GALK1: variants seen among roughly 807,000 people sequenced by gnomAD.
The protein encoded by GALK1 is galactokinase.
Under a neutral mutation model 38.6 loss-of-function variants are expected in GALK1, and 30 were observed. The observed-to-expected ratio is 0.78, with a 90% CI of 0.58 to 1.05. The LOEUF (loss-of-function observed/expected upper bound fraction) is 1.05, where lower values mean the gene tolerates loss of function less well. GALK1 is among the 50% of genes least tolerant of loss of function. The pLI is 0.00. For synonymous variants in GALK1, 240 were observed against 233.6 expected, an observed-to-expected ratio of 1.03 and a Z score of -0.25; for missense variants, 512 against 540.5, an observed-to-expected ratio of 0.95 and a Z score of 0.52.
chr17:75,756,549 G>C, downstream of GALK1: 2 of 1,613,202 alleles, frequency 1.2e-6, no homozygotes, highest in Admixed American at 1.7e-5. Context: ...GGCTGGGGCC[G>C]AGAGCGTGAG....
At chr17:75,753,737 G>A, downstream of GALK1, 1 of 1,377,186 alleles carries the variant, frequency 7.3e-7, no homozygotes, top group Admixed American at 2.8e-5. Context: ...CCCCGGCGGT[G>A]CCAACGCGGC....
intron 1 of GALK1, 165 bp downstream of exon 1, chr17:75,764,807 G>T: frequency 1.3e-6 from 1 of 754,436 alleles, no homozygotes; most frequent in Non-Finnish European, 2.2e-6. Flanking sequence ...CCAACGTGGG[G>T]AACAGCCTGT....
intron 1 of GALK1, chr17:75,764,724 G>A (rs1403149189): frequency 1.6e-6 from 1 of 620,370 alleles, no homozygotes; most frequent in South Asian, 1.8e-5. Flanking sequence ...AGGAGCCCCA[G>A]CCCCCAGAGG....
Position 75,763,139 on chromosome 17 carries a change from T to A in GALK1, c.486A>T (p.Thr162=). The change falls in exon 4 of 8, where the codon ACA becomes ACT. Residue 162 remains threonine (T), a synonymous_variant. Transcript: ENST00000588479. ...GACACACCTGGGCGCGGGCAGCTAT[T>A]GTGCCCGAGTCTGCAGTACAGGGTG... ...FLQQLCPDSG[T]IAARAQVCQQ... 1.2e-6 allele frequency: 2 copies of A among 1,611,734 alleles called. No homozygotes were observed. The highest frequency in any genetic ancestry group is 8.5e-7 in the Non-Finnish European group (1 of 1,179,964).
At chr17:75,759,154 G>A (rs904238827) in intron 5 of GALK1, among the ~76,000 whole-genome samples, 2 of 152,174 alleles carry the variant, frequency 1.3e-5, no homozygotes, top group Non-Finnish European at 1.5e-5. Context: ...ATGGGTGGGC[G>A]CGGTGGCTCA....
At chr17:75,754,915 C>A, downstream of GALK1, 2 of 1,571,194 alleles carry the variant, frequency 1.3e-6, no homozygotes, top group South Asian at 1.1e-5. Flanking sequence ...CGCCCATTCT[C>A]CAACATACAC....
intron 5 of GALK1, 148 bp from the exon 6 acceptor site, chr17:75,758,747 C>T (rs1407979317): frequency 8.3e-6 from 8 of 968,206 alleles, no homozygotes; most frequent in African/African-American, 4.9e-5. Flanking sequence ...CTCTCTCAGA[C>T]GTGGGTCTGA....
At chr17:75,757,049 C>T (rs2061528606), downstream of GALK1, 2 of 1,612,742 alleles carry the variant, frequency 1.2e-6, no homozygotes, top group Admixed American at 3.3e-5. Flanking sequence ...AGGCCAGGAC[C>T]ACTGAGGGCT....
chr17:75,763,730 G>A (rs2061598025), intron 2 of GALK1, 167 bp downstream of exon 2: 1 of 810,920 alleles, frequency 1.2e-6, no homozygotes, highest in Non-Finnish European at 2.0e-6. Flanking sequence ...GGGAAACCCA[G>A]GGCAAGTTCC....
downstream of GALK1, chr17:75,757,072 G>A (rs767247375): frequency 3.3e-5 from 53 of 1,612,718 alleles, no homozygotes; most frequent in African/African-American, 2.1e-4. Flanking sequence ...GGGCCAGAGC[G>A]CGAGGGCATC....
intron 8 of GALK1, chr17:75,752,253 C>T (rs758757728): frequency 6.2e-7 from 1 of 1,613,604 alleles, no homozygotes; most frequent in South Asian, 1.1e-5. Context: ...TTCGGGAGTC[C>T]CAGCCCTACC....
At position 75,763,446 on chromosome 17, in the gene GALK1, G is replaced by T. The variant is rs1285734390; in HGVS notation, c.356-7C>A. The T allele has an allele frequency of 6.3e-7, 1 of 1,586,810 alleles. No individual in the cohort carries two copies. The highest frequency in any genetic ancestry group is 2.3e-5 in the East Asian group (1 of 43,116). On this transcript the variant is annotated splice_region_variant and splice_polypyrimidine_tract_variant and intron_variant, in intron 2 of 7. Transcript: ENST00000588479. ...AAGCCAGGGAGGGGGGCAGCTGCAGGGGAAAGAACAGGTGATGGTAAGAGG... is the reference window on the plus strand; with the variant it reads ...AAGCCAGGGAGGGGGGCAGCTGCAGTGGAAAGAACAGGTGATGGTAAGAGG...
rs767329054 is a variant in GALK1, at chr17:75,763,384, A to AC, written c.410dup (p.Gly138TrpfsTer65). ...CCAAGGATGCTGAGCTGGACAGGCC[A>AC]CCCCCCAGGGGCACTGAGCTGACCA... is the stretch of plus-strand genomic sequence containing the variant. On this transcript the variant is annotated frameshift_variant, in exon 3 of 8. Coordinates refer to ENST00000588479, the MANE Select transcript of GALK1 (RefSeq NM_000154.2). LOFTEE classifies it high-confidence loss of function. 14 of 1,612,902 alleles carry AC rather than the reference A, an allele frequency of 8.7e-6. No individual in the cohort carries two copies. Among genetic ancestry groups the AC allele is most frequent in the Non-Finnish European group, 1.1e-5 (13 of 1,179,684 alleles).
intron 8 of GALK1, chr17:75,751,953 TACTC>T (rs1479768931): frequency 2.1e-5 from 13 of 627,752 alleles, no homozygotes; most frequent in Non-Finnish European, 3.2e-5. Flanking sequence ...CTCTGCCACT[TACTC>T]AGCAGAGTCC....
chr17:75,756,907 G>A (rs775307693), downstream of GALK1: 32 of 1,612,170 alleles, frequency 2.0e-5, no homozygotes, highest in Middle Eastern at 1.7e-4. Flanking sequence ...GGGTAAAGAG[G>A]GGGCCGCAGA....
chr17:75,754,020 C>A, downstream of GALK1: 1 of 907,088 alleles, frequency 1.1e-6, no homozygotes, highest in Non-Finnish European at 1.5e-6. Context: ...CACCCAGCCT[C>A]ACTCGCGCCT....
downstream of GALK1, chr17:75,753,925 C>A (rs1027065550): frequency 3.9e-6 from 5 of 1,284,742 alleles, 1 homozygote; most frequent in African/African-American, 1.6e-5. Flanking sequence ...GCGGCGCGGG[C>A]GGGAAGGGCG....
downstream of GALK1, chr17:75,754,899 C>T (rs2061453880): frequency 6.3e-7 from 1 of 1,587,418 alleles, no homozygotes; most frequent in African/African-American, 1.3e-5. Context: ...TGTCTGCTGT[C>T]CCCACCGCCC....
At chr17:75,755,662 C>A, downstream of GALK1, 1 of 1,611,396 alleles carries the variant, frequency 6.2e-7, no homozygotes, top group African/African-American at 1.3e-5. Context: ...GAGACCCTAG[C>A]CCCTGCATCT....
Sources: allele counts gnomAD v4.1 joint callset (sites outside exome capture counted in the v4.1 genomes callset), GRCh38; gene constraint gnomAD v4.1.1; transcripts MANE v1.5; gene names NCBI Gene and HGNC (gene_info 2026-07-23, HGNC 2026-07-21).